LRIF1: variants seen among roughly 807,000 people sequenced by gnomAD.
The protein encoded by LRIF1 is ligand-dependent nuclear receptor-interacting factor 1.
A neutral mutation model predicts 52.7 loss-of-function variants in LRIF1; 32 were observed. That is an observed-to-expected ratio of 0.61 (90% CI 0.46 to 0.82). The LOEUF is 0.82. LRIF1 is among the 40% of genes least tolerant of loss of function. LRIF1 has a pLI of 0.00. For missense variants in LRIF1, 887 were observed against 892.0 expected (o/e 0.99, Z 0.07); for synonymous variants, 323 against 317.4 (o/e 1.02, Z -0.19).
chr1:110,906,953 A>T, the LRIF1 span, among the ~76,000 whole-genome samples: 1 of 152,196 alleles, frequency 6.6e-6, no homozygotes, highest in African/African-American at 2.4e-5. Context: ...ATAGTATGGA[A>T]ATTATAATAG....
chr1:110,884,453 G>T, the LRIF1 span, among the ~76,000 whole-genome samples: 18 of 151,978 alleles, frequency 1.2e-4, no homozygotes, highest in Non-Finnish European at 2.5e-4. Flanking sequence ...GTTGTGGGGT[G>T]GAGTGTTCTA....
the LRIF1 span, chr1:110,939,017 C>A: frequency 6.6e-6 from 1 of 152,004 alleles, no homozygotes; most frequent in African/African-American, 2.4e-5. Context: ...ATAATAAAAA[C>A]TATAAAACAC....
rs375129898 is a variant in LRIF1, at chr1:110,952,250, T to C, written c.634A>G (p.Thr212Ala). Residue 212 changes from threonine (T) to alanine (A), a missense_variant, in exon 2 of 4, where the codon ACT becomes GCT. Thr to Ala is a moderately conservative substitution (Grantham distance 58, BLOSUM62 0). Transcript: ENST00000369763. The stretch of plus-strand genomic sequence containing the variant: ...ATTCCTGAGGTACTGGTGGTGGCAG[T>C]TGCAAGTATCTTTTGCTGCACTGAA... ...PPSVQQKILATATTSTSGMVE... is the reference protein window; with the variant it reads ...PPSVQQKILAAATTSTSGMVE... 1.5e-5 allele frequency: 24 copies of C among 1,614,074 alleles called. No individual in the cohort carries two copies. The highest frequency in any genetic ancestry group is 1.7e-5 in the Admixed American group (1 of 60,000).
At chr1:110,879,051 T>C in the LRIF1 span, among the ~76,000 whole-genome samples, 2 of 152,184 alleles carry the variant, frequency 1.3e-5, no homozygotes, top group Non-Finnish European at 2.9e-5. Flanking sequence ...TTTTTACAAA[T>C]GGCACACGAA....
chr1:110,934,732 GT>G, the LRIF1 span, among the ~76,000 whole-genome samples: 2 of 152,190 alleles, frequency 1.3e-5, no homozygotes, highest in Admixed American at 1.3e-4. Context: ...TGACTTCCAG[GT>G]GGCACCTCTG....
rs758575629 is a variant in LRIF1, at chr1:110,952,439, TTTG to T, written c.442_444del (p.Gln148del). 1.9e-5 allele frequency: 30 copies of T among 1,611,606 alleles called. No homozygotes were observed. The South Asian group carries it at 3.2e-4, about 17-fold the overall frequency. On this transcript the variant is annotated inframe_deletion, in exon 2 of 4. Coordinates refer to ENST00000369763, the MANE Select transcript of LRIF1 (RefSeq NM_018372.4). ...TGTGTTGAGGGAGGAACAGCAAATG[TTTG>T]CATGGTGAGTCCATCAATTTTCACA...
the LRIF1 span, chr1:110,899,437 T>C: frequency 2.0e-5 from 8 of 408,092 alleles, no homozygotes; most frequent in Admixed American, 1.7e-4. Context: ...GAAACTAATA[T>C]CTGAGCATCT....
At chr1:110,950,934 T>C (rs1658445216) in intron 2 of LRIF1, among the ~76,000 whole-genome samples, 3 of 152,168 alleles carry the variant, frequency 2.0e-5, no homozygotes, top group Admixed American at 1.3e-4. Context: ...AACATACATA[T>C]ATACATGTAT....
chr1:110,920,767 C>T, the LRIF1 span, among the ~76,000 whole-genome samples: 3 of 152,098 alleles, frequency 2.0e-5, no homozygotes, highest in Non-Finnish European at 4.4e-5. Context: ...GTGGAAGAAG[C>T]GGTACATGCG....
At chr1:110,893,163 C>T in the LRIF1 span, among the ~76,000 whole-genome samples, 1 of 152,250 alleles carries the variant, frequency 6.6e-6, no homozygotes, top group Non-Finnish European at 1.5e-5. Context: ...CTGAGCTCTA[C>T]ATTTCTGTAG....
At chr1:110,957,470 C>CAAAAAGAAA (rs1658750650) in intron 1 of LRIF1, among the ~76,000 whole-genome samples, 1 of 42,802 alleles carries the variant, frequency 2.3e-5, no homozygotes, top group African/African-American at 1.1e-4. Context: ...GACTCAGTCT[C>CAAAAAGAAA]AAAAAAAAAA....
the LRIF1 span, among the ~76,000 whole-genome samples, chr1:110,915,852 A>G: frequency 6.6e-6 from 1 of 152,262 alleles, no homozygotes; most frequent in Non-Finnish European, 1.5e-5. Flanking sequence ...GAGAACAAAA[A>G]GACAAATTAA....
At chr1:110,930,956 C>G in the LRIF1 span, among the ~76,000 whole-genome samples, 2 of 152,008 alleles carry the variant, frequency 1.3e-5, no homozygotes, top group Non-Finnish European at 2.9e-5. Context: ...CCCTGTCGTC[C>G]AGCCTGTGGT....
downstream of LRIF1, chr1:110,944,494 A>T (rs988039102): frequency 6.6e-6 from 1 of 152,256 alleles, no homozygotes; most frequent in African/African-American, 2.4e-5. Context: ...ACTGGATGAG[A>T]TCACCAAGAG....
chr1:110,948,845 T>C (rs541197930), intron 3 of LRIF1, among the ~76,000 whole-genome samples: 4 of 152,206 alleles, frequency 2.6e-5, no homozygotes, highest in Non-Finnish European at 5.9e-5. Context: ...TAGGCAAAGT[T>C]ATAGACATTT....
At chr1:110,896,564 C>G in the LRIF1 span, 1 of 1,230,320 alleles carries the variant, frequency 8.1e-7, no homozygotes, top group Non-Finnish European at 1.2e-6. Flanking sequence ...AGAGTCAGAT[C>G]TGAAGGGCAC....
At chr1:110,911,613 A>G in the LRIF1 span, among the ~76,000 whole-genome samples, 2 of 152,190 alleles carry the variant, frequency 1.3e-5, no homozygotes, top group Non-Finnish European at 2.9e-5. Context: ...ACAAAATACG[A>G]GCAAATTGAA....
the LRIF1 span, among the ~76,000 whole-genome samples, chr1:110,919,353 G>A: frequency 6.6e-6 from 1 of 152,150 alleles, no homozygotes; most frequent in African/African-American, 2.4e-5. Context: ...GAAAAGGTGT[G>A]ACTGGCCTAG....
rs762622354 is a variant in LRIF1 at position 110,951,892 on chromosome 1, G to A, written c.992C>T (p.Thr331Ile). 3.1e-6 allele frequency: 5 copies of A among 1,613,786 alleles called. No homozygotes were observed. The highest frequency in any genetic ancestry group is 1.3e-5 in the African/African-American group (1 of 74,918). The stretch of plus-strand genomic sequence containing the variant: ...GGTACTCAATGGTGGCATATTTATA[G>A]TATTATCTCCCAAATTTTTCCTATC... ...FVDRKNLGDNTINMPPLSTID... is the reference protein window; with the variant it reads ...FVDRKNLGDNIINMPPLSTID... The change falls in exon 2 of 4, where the codon ACT (threonine) becomes ATT (isoleucine). Residue 331 changes from threonine to isoleucine, a missense_variant. Coordinates refer to ENST00000369763, the MANE Select transcript of LRIF1 (RefSeq NM_018372.4).
Sources: gnomAD v4.1 joint callset for allele counts (sites outside exome capture counted in the v4.1 genomes callset) on GRCh38, gnomAD v4.1.1 for gene constraint, MANE v1.5 for transcripts, NCBI Gene and HGNC (gene_info 2026-07-23, HGNC 2026-07-21) for gene names.